Variants in APLP2 observed in about 807,000 individuals in gnomAD.
The protein encoded by APLP2 is amyloid beta precursor like protein 2.
APLP2 carries 53 observed loss-of-function variants against 89.9 expected under a neutral mutation model. The observed-to-expected ratio is 0.59, with a 90% confidence interval of 0.47 to 0.74. The LOEUF (loss-of-function observed/expected upper bound fraction) is 0.74, where lower values mean the gene tolerates loss of function less well. Ranked by LOEUF, APLP2 falls within the 30% of genes least tolerant of loss-of-function variation. The pLI, the probability that APLP2 is intolerant of heterozygous loss-of-function variation, is 0.00. For missense variants in APLP2, 973 were observed against 975.9 expected (o/e 1.00, Z 0.04); for synonymous variants, 372 against 348.6 (o/e 1.07, Z -0.75).
chr11:130,077,149 C>T (rs995059969), intron 1 of APLP2, among the ~76,000 whole-genome samples: 3 of 152,186 alleles, frequency 2.0e-5, no homozygotes, highest in African/African-American at 2.4e-5. Context: ...GTAATTTCTT[C>T]TGAAGAAATT....
intron 1 of APLP2, among the ~76,000 whole-genome samples, chr11:130,078,228 T>A (rs1332210336): frequency 6.6e-6 from 1 of 151,994 alleles, no homozygotes; most frequent in Non-Finnish European, 1.5e-5. Context: ...ATGCATTTGG[T>A]CTCATTCACT....
chr11:130,078,039 G>C (rs1408615793), intron 1 of APLP2, among the ~76,000 whole-genome samples: 1 of 152,170 alleles, frequency 6.6e-6, no homozygotes, highest in East Asian at 1.9e-4. Context: ...AACATGGCCA[G>C]TATCTCCTTT....
chr11:130,070,410 C>T (rs1462645699), intron 1 of APLP2, among the ~76,000 whole-genome samples: 1 of 151,430 alleles, frequency 6.6e-6, no homozygotes, highest in African/African-American at 2.4e-5. Context: ...GGGCGCCCGC[C>T]CCGCCCTCCC....
At chr11:130,133,381 C>T (rs1951150314) in intron 11 of APLP2, among the ~76,000 whole-genome samples, 1 of 152,174 alleles carries the variant, frequency 6.6e-6, no homozygotes, top group African/African-American at 2.4e-5. Flanking sequence ...TCTCACCCTC[C>T]CAAAGTGCTG....
chr11:130,132,979 C>CT (rs60338624), intron 11 of APLP2, among the ~76,000 whole-genome samples: 25,581 of 141,144 alleles, frequency 0.18, 3,907 homozygotes, highest in African/African-American at 0.41. Context: ...AATTAGAGTT[C>CT]TTTTTTTTTT....
intron 1 of APLP2, among the ~76,000 whole-genome samples, chr11:130,074,152 T>G (rs1941678624): frequency 1.3e-5 from 2 of 152,228 alleles, no homozygotes; most frequent in Admixed American, 1.3e-4. Context: ...GTTTTCTAGT[T>G]AGTTTGTTGA....
intron 3 of APLP2, among the ~76,000 whole-genome samples, chr11:130,113,798 A>C (rs1948861960): frequency 6.6e-6 from 1 of 152,220 alleles, no homozygotes; most frequent in Non-Finnish European, 1.5e-5. Flanking sequence ...AAAAAATAAT[A>C]GTTTAAAAAT....
At chr11:130,086,233 A>T (rs1944100645) in intron 1 of APLP2, among the ~76,000 whole-genome samples, 1 of 152,184 alleles carries the variant, frequency 6.6e-6, no homozygotes, top group African/African-American at 2.4e-5. Flanking sequence ...TAGCTATCCT[A>T]ATGGGCGTGG....
Position 130,107,690 on chromosome 11 carries a change from T to C in APLP2, c.106-1739T>C, listed in dbSNP as rs572225826. 1.8e-4 allele frequency among the ~76,000 whole-genome samples: 27 copies of C among 152,320 alleles called. No individual in the cohort carries two copies. In the South Asian group the frequency reaches 5.4e-3, roughly 30 times the overall value. ...ATCCCCATCAAGCTACCAATGACTT[T>C]CTTCACAGAATTGGAAAAAACTACT... On this transcript the variant is annotated intron_variant, in intron 1 of 16. Transcript: ENST00000338167.
At chr11:130,136,823 G>T (rs1290136832) in intron 13 of APLP2, among the ~76,000 whole-genome samples, 3 of 152,214 alleles carry the variant, frequency 2.0e-5, no homozygotes, top group African/African-American at 4.8e-5. Context: ...CTGTGGGTTT[G>T]TCGGGTGGCC....
chr11:130,111,848 G>A (rs912007487), intron 3 of APLP2, among the ~76,000 whole-genome samples: 3 of 152,162 alleles, frequency 2.0e-5, no homozygotes, highest in Non-Finnish European at 4.4e-5. Context: ...CAAACTAAAA[G>A]TGAAATGAGA....
At chr11:130,085,547 T>C (rs1464289378) in intron 1 of APLP2, among the ~76,000 whole-genome samples, 2 of 152,210 alleles carry the variant, frequency 1.3e-5, no homozygotes, top group Admixed American at 1.3e-4. Context: ...TACTAAACAT[T>C]AAGGAAGAAT....
chr11:130,094,157 G>A (rs771323548), intron 1 of APLP2, among the ~76,000 whole-genome samples: 1 of 150,012 alleles, frequency 6.7e-6, no homozygotes, highest in Non-Finnish European at 1.5e-5. Context: ...GGGTTTAAGC[G>A]ATTCTCCTTC....
At chr11:130,102,265 CTT>C (rs1184975100) in intron 1 of APLP2, among the ~76,000 whole-genome samples, 2 of 152,146 alleles carry the variant, frequency 1.3e-5, no homozygotes, top group African/African-American at 2.4e-5. Flanking sequence ...TTTTTACTGA[CTT>C]TTCCTTAAAA....
rs750048371 is a variant in APLP2 at position 130,126,723 on chromosome 11, AATG to A, written c.1118_1120del (p.Asp373del). The A allele has an allele frequency of 3.1e-6, 5 of 1,613,958 alleles. No individual in the cohort carries two copies. The highest frequency in any genetic ancestry group is 4.2e-6 in the Non-Finnish European group (5 of 1,179,968). ...AGTTCCTCCAACTCCTCTGCCAACCAATGATGTTGATGTGTATTTCGAGACCTC... is the reference window on the plus strand; with the variant it reads ...AGTTCCTCCAACTCCTCTGCCAACCAATGTTGATGTGTATTTCGAGACCTC... On this transcript the variant is annotated inframe_deletion, in exon 8 of 17. Transcript: ENST00000338167.
intron 1 of APLP2, among the ~76,000 whole-genome samples, chr11:130,092,903 A>G (rs1945620179): frequency 6.6e-6 from 1 of 152,176 alleles, no homozygotes; most frequent in Non-Finnish European, 1.5e-5. Flanking sequence ...GGAGCCAAGT[A>G]AAAGCAACCT....
chr11:130,107,862 C>A (rs1408797977), intron 1 of APLP2, among the ~76,000 whole-genome samples: 1 of 152,166 alleles, frequency 6.6e-6, no homozygotes, highest in African/African-American at 2.4e-5. Flanking sequence ...GGTACCAAAG[C>A]AGAAATACAG....
chr11:130,133,048 C>T (rs1951108559), intron 11 of APLP2, among the ~76,000 whole-genome samples: 1 of 151,624 alleles, frequency 6.6e-6, no homozygotes, highest in African/African-American at 2.4e-5. Flanking sequence ...AGCTAGTGGC[C>T]ATTTTTAAAT....
Position 130,140,485 on chromosome 11 carries a change from T to G in APLP2, c.1923+2T>G. The G allele has an allele frequency of 3.7e-6, 6 of 1,606,744 alleles. No individual in the cohort carries two copies. Among genetic ancestry groups the G allele is most frequent in the Non-Finnish European group, 5.1e-6 (6 of 1,176,632 alleles). ...AAGAATAAAGTGGATGAAAACATGG[T>G]GAGCCTGTTCTTTCTTCTGCCCAAC... is the stretch of plus-strand genomic sequence containing the variant. On this transcript the variant is annotated splice_donor_variant, in intron 14 of 16. Transcript: ENST00000338167. LOFTEE classifies it high-confidence loss of function.
Sources: gnomAD v4.1 joint callset for allele counts (sites outside exome capture counted in the v4.1 genomes callset) on GRCh38, gnomAD v4.1.1 for gene constraint, MANE v1.5 for transcripts, NCBI Gene and HGNC (gene_info 2026-07-23, HGNC 2026-07-21) for gene names.